The following SPOCK3 variants were observed in gnomAD, a reference collection of about 807,000 sequenced individuals.
SPOCK3 encodes the protein SPARC (osteonectin), cwcv and kazal like domains proteoglycan 3.
A neutral mutation model predicts 56.6 loss-of-function variants in SPOCK3; 30 were observed. The ratio of observed to expected loss-of-function variants is 0.53; its 90% CI spans 0.40 to 0.72. The LOEUF is 0.72. Among genes scored for constraint, SPOCK3 ranks in the 30% least tolerant of loss-of-function variants. The probability of loss-of-function intolerance (pLI) is 0.00; values close to 1 mark genes in which losing one functional copy is unlikely to be tolerated. For missense variants in SPOCK3, 527 were observed against 530.0 expected (o/e 0.99, Z 0.06); for synonymous variants, 196 against 183.3 (o/e 1.07, Z -0.56).
Position 166,951,891 on chromosome 4 carries a change from G to T in SPOCK3, c.351-39148C>A, listed in dbSNP as rs189598557. Reference sequence around the variant, plus strand: ...TTGACAAAATTCAACAACACTTGATGCTAAAAACTCTCAAAAAATTAGGTA... The same window carrying T: ...TTGACAAAATTCAACAACACTTGATTCTAAAAACTCTCAAAAAATTAGGTA... On this transcript the variant is annotated intron_variant, in intron 4 of 10. Transcript: ENST00000357545. Among the ~76,000 whole-genome samples, 297 of 152,264 alleles carry T rather than the reference G, an allele frequency of 2.0e-3. 2 individuals are homozygous for T. Among genetic ancestry groups the T allele is most frequent in the African/African-American group, 6.5e-3 (272 of 41,542 alleles).
At chr4:166,852,614 C>T (rs1579428442) in intron 6 of SPOCK3, among the ~76,000 whole-genome samples, 2 of 152,134 alleles carry the variant, frequency 1.3e-5, no homozygotes, top group Admixed American at 6.6e-5. Flanking sequence ...CACAAATCCC[C>T]ATCTTGTTCT....
At chr4:166,799,380 T>C (rs569753856) in intron 6 of SPOCK3, among the ~76,000 whole-genome samples, 1 of 152,198 alleles carries the variant, frequency 6.6e-6, no homozygotes, top group South Asian at 2.1e-4. Flanking sequence ...ATCCAACCAA[T>C]GGATCAAGGA....
chr4:167,030,305 T>G (rs1189433077), intron 3 of SPOCK3, among the ~76,000 whole-genome samples: 2 of 152,072 alleles, frequency 1.3e-5, no homozygotes, highest in Non-Finnish European at 2.9e-5. Flanking sequence ...TTTATACCTG[T>G]TTTTATTGTC....
chr4:166,779,859 G>T (rs1739967668), intron 7 of SPOCK3, among the ~76,000 whole-genome samples: 2 of 152,102 alleles, frequency 1.3e-5, no homozygotes, highest in Admixed American at 6.6e-5. Context: ...AAAGCAGCAG[G>T]AAGAATATGA....
At chr4:167,021,355 C>A (rs1472024505) in intron 3 of SPOCK3, among the ~76,000 whole-genome samples, 4 of 151,768 alleles carry the variant, frequency 2.6e-5, no homozygotes, top group Admixed American at 2.0e-4. Context: ...GCGAGTTAGT[C>A]CTGAAGTAAA....
intron 10 of SPOCK3, 138 bp downstream of exon 10, chr4:166,737,329 G>A: frequency 2.3e-6 from 2 of 852,088 alleles, no homozygotes; most frequent in South Asian, 2.6e-5. Flanking sequence ...AGTTTTTTTT[G>A]TCACTCCCTC....
chr4:166,779,810 AG>A (rs1739963642), intron 7 of SPOCK3, among the ~76,000 whole-genome samples: 1 of 152,232 alleles, frequency 6.6e-6, no homozygotes, highest in African/African-American at 2.4e-5. Flanking sequence ...TCCTAATCAT[AG>A]TCAAACTTTC....
At chr4:167,073,990 TA>T (rs1417982057) in intron 2 of SPOCK3, among the ~76,000 whole-genome samples, 1 of 151,804 alleles carries the variant, frequency 6.6e-6, no homozygotes, top group Middle Eastern at 3.2e-3. Flanking sequence ...TCCCAATATT[TA>T]GTTTTAGATT....
chr4:167,196,152 G>T (rs1308468019), intron 2 of SPOCK3, among the ~76,000 whole-genome samples: 1 of 152,120 alleles, frequency 6.6e-6, no homozygotes, highest in East Asian at 1.9e-4. Flanking sequence ...CAACCAATTT[G>T]TATTCATTTA....
intron 2 of SPOCK3, among the ~76,000 whole-genome samples, chr4:167,203,764 G>GAAATAACCAAT (rs1460443890): frequency 6.7e-6 from 1 of 150,372 alleles, no homozygotes; most frequent in African/African-American, 2.4e-5. Flanking sequence ...CCTGAGAAAT[G>GAAATAACCAAT]AAATAACCAA....
intron 7 of SPOCK3, among the ~76,000 whole-genome samples, chr4:166,774,146 G>A (rs989510389): frequency 1.3e-5 from 2 of 152,156 alleles, no homozygotes; most frequent in Non-Finnish European, 2.9e-5. Context: ...CTGGTGCAAA[G>A]TCAGGTAAGG....
At chr4:166,903,298 G>T (rs552155951) in intron 5 of SPOCK3, among the ~76,000 whole-genome samples, 1 of 151,746 alleles carries the variant, frequency 6.6e-6, no homozygotes, top group African/African-American at 2.4e-5. Flanking sequence ...CCAAGTCTTG[G>T]TGTAACTTAA....
intron 4 of SPOCK3, among the ~76,000 whole-genome samples, chr4:166,987,990 C>T (rs921307017): frequency 6.6e-6 from 1 of 152,010 alleles, no homozygotes; most frequent in South Asian, 2.1e-4. Flanking sequence ...GTGGAATTTT[C>T]GTATGCTTGC....
intron 4 of SPOCK3, among the ~76,000 whole-genome samples, chr4:166,949,362 G>A (rs1224047847): frequency 6.6e-6 from 1 of 152,206 alleles, no homozygotes; most frequent in African/African-American, 2.4e-5. Context: ...TCTCCATCCA[G>A]CTTTGTTCCA....
At chr4:166,836,128 T>A (rs540708408) in intron 6 of SPOCK3, among the ~76,000 whole-genome samples, 1 of 152,332 alleles carries the variant, frequency 6.6e-6, no homozygotes, top group African/African-American at 2.4e-5. Flanking sequence ...ATAACTTTTA[T>A]CCTGGTCTTT....
At chr4:167,096,796 T>C (rs1199363674) in intron 2 of SPOCK3, among the ~76,000 whole-genome samples, 1 of 151,872 alleles carries the variant, frequency 6.6e-6, no homozygotes, top group Non-Finnish European at 1.5e-5. Context: ...TATTGTACAT[T>C]CATTTGTATT....
intron 6 of SPOCK3, among the ~76,000 whole-genome samples, chr4:166,809,404 C>T (rs995895680): frequency 2.6e-5 from 4 of 151,860 alleles, no homozygotes; most frequent in African/African-American, 9.7e-5. Flanking sequence ...ATTATTATTC[C>T]AAATATTTAG....
At chr4:166,993,265 A>C (rs1210087511) in intron 4 of SPOCK3, among the ~76,000 whole-genome samples, 1 of 152,176 alleles carries the variant, frequency 6.6e-6, no homozygotes, top group Non-Finnish European at 1.5e-5. Context: ...CAGGACATGC[A>C]AGGGCTTAGC....
chr4:167,161,034 AT>A (rs1287662907), intron 2 of SPOCK3, among the ~76,000 whole-genome samples: 27 of 152,298 alleles, frequency 1.8e-4, no homozygotes, highest in African/African-American at 6.3e-4. Context: ...AAAAGACAAA[AT>A]TGACAAATGG....
Sources: gnomAD v4.1 joint callset for allele counts (sites outside exome capture counted in the v4.1 genomes callset) on GRCh38, gnomAD v4.1.1 for gene constraint, MANE v1.5 for transcripts, NCBI Gene and HGNC (gene_info 2026-07-23, HGNC 2026-07-21) for gene names.